RUFY4: variants seen among roughly 807,000 people sequenced by gnomAD.
RUFY4 encodes RUN and FYVE domain containing 4.
In RUFY4, 73 loss-of-function variants were observed where a neutral mutation model predicts 69.0. The observed-to-expected ratio is 1.06, with a 90% CI of 0.88 to 1.29. The LOEUF is 1.29. RUFY4 is among the 50% of genes most tolerant of loss of function. The pLI, the probability that RUFY4 is intolerant of heterozygous loss-of-function variation, is 0.00. For missense variants in RUFY4, 770 were observed against 705.6 expected, an observed-to-expected ratio of 1.09 and a Z score of -1.03; for synonymous variants, 287 against 271.8, an observed-to-expected ratio of 1.06 and a Z score of -0.55.
intron 8 of RUFY4, among the ~76,000 whole-genome samples, chr2:218,082,184 C>T (rs930690579): frequency 1.3e-5 from 2 of 152,216 alleles, no homozygotes; most frequent in African/African-American, 2.4e-5. Flanking sequence ...AGCTGAGACG[C>T]CACCAAGCCC....
At chr2:218,076,004 A>G (rs1373644253) in intron 7 of RUFY4, among the ~76,000 whole-genome samples, 1 of 152,086 alleles carries the variant, frequency 6.6e-6, no homozygotes, top group East Asian at 1.9e-4. Context: ...GGAGTTTGAG[A>G]TCCCTTCCCA....
intron 2 of RUFY4, chr2:218,035,517 C>T (rs1958962145): frequency 6.6e-6 from 1 of 152,522 alleles, no homozygotes; most frequent in Non-Finnish European, 1.5e-5. Context: ...CCTCATTTAC[C>T]TCCGTTTCCC....
chr2:218,038,569 TG>T (rs1444195149), intron 2 of RUFY4, among the ~76,000 whole-genome samples: 2 of 152,182 alleles, frequency 1.3e-5, no homozygotes, highest in African/African-American at 2.4e-5. Context: ...GGTTTAGAGA[TG>T]ATGGAAGTTT....
intron 10 of RUFY4, 188 bp from the exon 13 acceptor site, chr2:218,089,764 G>T (rs1227495966): frequency 2.8e-6 from 2 of 706,450 alleles, no homozygotes; most frequent in East Asian, 2.7e-5. Context: ...CTCTGGAGGG[G>T]TCGGGCATCA....
At chr2:218,067,010 T>G (rs144260936), upstream of RUFY4, among the ~76,000 whole-genome samples, 2 of 152,380 alleles carry the variant, frequency 1.3e-5, no homozygotes, top group Admixed American at 1.3e-4. Context: ...TTACGAAATA[T>G]TTCAACACGC....
intron 2 of RUFY4, among the ~76,000 whole-genome samples, chr2:218,046,038 C>G (rs1455421306): frequency 1.3e-5 from 2 of 152,080 alleles, no homozygotes; most frequent in African/African-American, 4.8e-5. Flanking sequence ...ATCTCCTGAC[C>G]TCGTGATCCG....
chr2:218,070,923 C>A, intron 2 of RUFY4, 64 bp downstream of exon 4: 1 of 1,319,126 alleles, frequency 7.6e-7, no homozygotes, highest in Non-Finnish European at 1.0e-6. Flanking sequence ...TGGGACATTC[C>A]TGGAAAATCA....
chr2:218,083,350 C>T (rs1689813352), intron 9 of RUFY4, 94 bp downstream of exon 11: 4 of 1,469,840 alleles, frequency 2.7e-6, no homozygotes, highest in Non-Finnish European at 3.7e-6. Context: ...ACTCACAACT[C>T]CCAAGCAGGG....
chr2:218,056,719 C>T (rs902794309), intron 2 of RUFY4, among the ~76,000 whole-genome samples: 49 of 152,330 alleles, frequency 3.2e-4, no homozygotes, highest in African/African-American at 1.2e-3. Flanking sequence ...GATTACATCA[C>T]AGTTCAGCTG....
At chr2:218,055,114 G>A (rs1689032335) in intron 2 of RUFY4, among the ~76,000 whole-genome samples, 1 of 152,132 alleles carries the variant, frequency 6.6e-6, no homozygotes, top group Admixed American at 6.5e-5. Context: ...AAGATACAAG[G>A]CGAAGCACAT....
At chr2:218,057,538 T>A (rs1689090171) in intron 2 of RUFY4, among the ~76,000 whole-genome samples, 2 of 152,228 alleles carry the variant, frequency 1.3e-5, no homozygotes, top group Non-Finnish European at 2.9e-5. Context: ...TTAAAAACAG[T>A]TTTATTCAGG....
At chr2:218,050,569 C>G (rs1688921483) in intron 2 of RUFY4, among the ~76,000 whole-genome samples, 1 of 152,234 alleles carries the variant, frequency 6.6e-6, no homozygotes, top group Admixed American at 6.5e-5. Context: ...GTGCCACTCC[C>G]TCCTACTCGC....
intron 8 of RUFY4, among the ~76,000 whole-genome samples, chr2:218,080,963 G>A (rs1309776992): frequency 6.6e-6 from 1 of 152,194 alleles, no homozygotes; most frequent in Non-Finnish European, 1.5e-5. Flanking sequence ...TTTCTCTCTT[G>A]TAAAATGAGG....
chr2:218,069,325 C>A (rs1689423817), upstream of RUFY4: 1 of 152,290 alleles, frequency 6.6e-6, no homozygotes, highest in Non-Finnish European at 1.5e-5. Flanking sequence ...CGCTCTCGTG[C>A]CCCAGCCAGC....
intron 2 of RUFY4, among the ~76,000 whole-genome samples, chr2:218,045,471 A>C (rs1688804947): frequency 6.6e-6 from 1 of 152,226 alleles, no homozygotes; most frequent in African/African-American, 2.4e-5. Context: ...AATTAATGTA[A>C]GTTATTGACA....
chr2:218,086,585 TG>T (rs1689898699), intron 9 of RUFY4, among the ~76,000 whole-genome samples: 1 of 152,128 alleles, frequency 6.6e-6, no homozygotes, highest in Non-Finnish European at 1.5e-5. Flanking sequence ...ATGAATTAAG[TG>T]GGGGAGGTGG....
rs960945609 is a variant in RUFY4, at chr2:218,060,425, C to T, written c.-1071+1744C>T. ...GGCAGGGAGTCCTTGCTGATCAAGC[C>T]GTGTATGGCTATAATCTTGAGAAGT... On this transcript the variant is annotated intron_variant and NMD_transcript_variant, in intron 3 of 13. Coordinates refer to the RUFY4 transcript ENST00000457754. 43 of 1,534,046 alleles carry T rather than the reference C, an allele frequency of 2.8e-5. No homozygotes were observed. In the South Asian group the frequency reaches 4.5e-4, roughly 16 times the overall value.
intron 2 of RUFY4, among the ~76,000 whole-genome samples, chr2:218,058,416 A>C (rs539681377): frequency 6.6e-6 from 1 of 152,360 alleles, no homozygotes; most frequent in South Asian, 2.1e-4. Flanking sequence ...CAGTGCCTTC[A>C]AAAGCCCCAA....
intron 2 of RUFY4, among the ~76,000 whole-genome samples, chr2:218,051,324 A>G (rs1688938018): frequency 6.6e-6 from 1 of 152,188 alleles, no homozygotes; most frequent in Non-Finnish European, 1.5e-5. Context: ...TATGTTTTTA[A>G]GTACTATAAA....
Sources: allele counts gnomAD v4.1 joint callset (sites outside exome capture counted in the v4.1 genomes callset), GRCh38; gene constraint gnomAD v4.1.1; transcripts MANE v1.5; gene names NCBI Gene and HGNC (gene_info 2026-07-23, HGNC 2026-07-21).